The following STXBP5L variants were observed in gnomAD, a reference collection of about 807,000 sequenced individuals.
The protein encoded by STXBP5L is syntaxin-binding protein 5-like.
Under a neutral mutation model 144.5 loss-of-function variants are expected in STXBP5L, and 65 were observed. That is an observed-to-expected ratio of 0.45 (90% confidence interval 0.37 to 0.55). STXBP5L has a LOEUF of 0.55. Among genes scored for constraint, STXBP5L ranks in the 20% least tolerant of loss-of-function variants. STXBP5L has a pLI of 0.00. For missense variants in STXBP5L, 1,298 were observed against 1,405.5 expected, an observed-to-expected ratio of 0.92 and a Z score of 1.22; for synonymous variants, 505 against 469.6, an observed-to-expected ratio of 1.08 and a Z score of -0.97.
At chr3:121,146,071 G>T (rs1317690240) in intron 7 of STXBP5L, among the ~76,000 whole-genome samples, 1 of 151,898 alleles carries the variant, frequency 6.6e-6, no homozygotes, top group Non-Finnish European at 1.5e-5. Context: ...CCACTTCTCT[G>T]GTTCTCAGGC....
chr3:121,260,138 T>C (rs1211981655), intron 18 of STXBP5L, among the ~76,000 whole-genome samples: 1 of 152,084 alleles, frequency 6.6e-6, no homozygotes, highest in African/African-American at 2.4e-5. Flanking sequence ...CCTGGTCAGT[T>C]TGTTAAGTAA....
chr3:120,928,728 T>G (rs1709770182), intron 2 of STXBP5L, among the ~76,000 whole-genome samples: 1 of 151,952 alleles, frequency 6.6e-6, no homozygotes, highest in Non-Finnish European at 1.5e-5. Flanking sequence ...ATGGTGTCAG[T>G]GATTTGTTCT....
At chr3:120,975,262 C>T (rs1940823742) in intron 3 of STXBP5L, among the ~76,000 whole-genome samples, 1 of 152,080 alleles carries the variant, frequency 6.6e-6, no homozygotes, top group Non-Finnish European at 1.5e-5. Context: ...CCTTCACGTC[C>T]CTTGTAAGTT....
At chr3:121,191,870 C>A (rs1164745820) in intron 9 of STXBP5L, among the ~76,000 whole-genome samples, 2 of 150,668 alleles carry the variant, frequency 1.3e-5, no homozygotes, top group Non-Finnish European at 2.9e-5. Flanking sequence ...ACAGCACGTT[C>A]TCACTCATAG....
intron 5 of STXBP5L, among the ~76,000 whole-genome samples, chr3:121,095,901 C>T (rs931986393): frequency 6.6e-6 from 1 of 152,056 alleles, no homozygotes; most frequent in Non-Finnish European, 1.5e-5. Flanking sequence ...TCTGTTTTTT[C>T]CCCATCTTTG....
chr3:121,212,094 C>T (rs1577223509), intron 10 of STXBP5L, among the ~76,000 whole-genome samples: 2 of 152,046 alleles, frequency 1.3e-5, no homozygotes, highest in African/African-American at 4.8e-5. Flanking sequence ...GCTTACGTTC[C>T]TTGTAGATTT....
intron 5 of STXBP5L, among the ~76,000 whole-genome samples, chr3:121,058,577 T>C (rs926463005): frequency 2.6e-5 from 4 of 152,208 alleles, no homozygotes; most frequent in African/African-American, 9.7e-5. Context: ...GCTGAACTAA[T>C]TTACACTCCC....
At chr3:121,366,746 A>G (rs946304350) in intron 20 of STXBP5L, among the ~76,000 whole-genome samples, 7 of 152,082 alleles carry the variant, frequency 4.6e-5, no homozygotes, top group South Asian at 2.1e-4. Flanking sequence ...ATTTAAAGTA[A>G]TTGCTGATAA....
At chr3:121,221,929 C>T (rs2048985372) in intron 10 of STXBP5L, among the ~76,000 whole-genome samples, 2 of 151,690 alleles carry the variant, frequency 1.3e-5, no homozygotes, top group African/African-American at 4.8e-5. Context: ...AAATGTCCCA[C>T]TGATAATGTT....
At chr3:121,154,764 A>T (rs2046056448) in intron 8 of STXBP5L, among the ~76,000 whole-genome samples, 1 of 151,838 alleles carries the variant, frequency 6.6e-6, no homozygotes, top group African/African-American at 2.4e-5. Flanking sequence ...AAAATATCCC[A>T]TTGGCACTGA....
intron 9 of STXBP5L, among the ~76,000 whole-genome samples, chr3:121,183,492 C>T (rs766872634): frequency 6.6e-6 from 1 of 152,020 alleles, no homozygotes; most frequent in Non-Finnish European, 1.5e-5. Context: ...CACTGATATA[C>T]ACCAACAGTG....
Position 121,419,337 on chromosome 3 carries a change from A to G in STXBP5L, c.*240A>G, listed in dbSNP as rs2047311608. 1 of 401,984 alleles carries G rather than the reference A, an allele frequency of 2.5e-6. No homozygotes were observed. The highest frequency in any genetic ancestry group is 4.4e-6 in the Non-Finnish European group (1 of 228,026). 24.9% of individuals were successfully genotyped at this position (401,984 alleles called of 1,614,324 possible). On this transcript the variant is annotated 3_prime_UTR_variant, in exon 27 of 27. Transcript: ENST00000471454. ...TTTTCCCATGTGGAATGGAGCTATC[A>G]TCTTGGCATGTCATTCGATAAGGAT...
At chr3:121,151,018 C>T (rs984484481) in intron 7 of STXBP5L, among the ~76,000 whole-genome samples, 8 of 151,738 alleles carry the variant, frequency 5.3e-5, no homozygotes, top group Non-Finnish European at 1.0e-4. Context: ...ACCCAGGAGG[C>T]GGAGGTTGCA....
Position 121,415,902 on chromosome 3 carries a change from C to A in STXBP5L, c.3160C>A (p.Gln1054Lys). 6.2e-7 allele frequency: 1 copy of A among 1,613,456 alleles called. No homozygotes were observed. Among genetic ancestry groups the A allele is most frequent in the South Asian group, 1.1e-5 (1 of 91,056 alleles). Reference protein sequence around the residue: ...LFTPIETPEAQNRGFLKGLFG... With the variant: ...LFTPIETPEAKNRGFLKGLFG... Reference sequence around the variant, plus strand: ...TACTCCCATAGAGACACCAGAAGCTCAAAACAGAGGCTTTCTCAAGGGACT... The same window carrying A: ...TACTCCCATAGAGACACCAGAAGCTAAAAACAGAGGCTTTCTCAAGGGACT... The change falls in exon 25 of 27, where the codon CAA becomes AAA. Residue 1054 changes from glutamine to lysine, a missense_variant. Gln to Lys is a moderately conservative substitution (Grantham distance 53). Transcript: ENST00000471454.
chr3:120,955,102 G>T, intron 3 of STXBP5L, 65 bp downstream of exon 3: 3 of 1,151,684 alleles, frequency 2.6e-6, no homozygotes, highest in South Asian at 1.3e-5. Context: ...TAAATATTCA[G>T]GTAAGATAAA....
chr3:121,330,460 C>G (rs1221641095), intron 20 of STXBP5L, among the ~76,000 whole-genome samples: 1 of 152,214 alleles, frequency 6.6e-6, no homozygotes, highest in South Asian at 2.1e-4. Flanking sequence ...CCAGCCACCA[C>G]CTGGCTTTGC....
At chr3:121,085,483 G>A (rs562566545) in intron 5 of STXBP5L, among the ~76,000 whole-genome samples, 3 of 152,054 alleles carry the variant, frequency 2.0e-5, no homozygotes, top group Non-Finnish European at 4.4e-5. Flanking sequence ...CTCAGGAGAA[G>A]GTTACAAAAT....
intron 5 of STXBP5L, among the ~76,000 whole-genome samples, chr3:121,091,517 C>G (rs897264286): frequency 2.0e-5 from 3 of 152,178 alleles, no homozygotes; most frequent in African/African-American, 4.8e-5. Context: ...ATTTGCATTT[C>G]TCTGATGGCC....
intron 5 of STXBP5L, among the ~76,000 whole-genome samples, chr3:121,085,572 C>A (rs780919700): frequency 2.0e-5 from 3 of 152,110 alleles, no homozygotes; most frequent in Admixed American, 6.6e-5. Context: ...AACTCCCATT[C>A]ACAATTGCTA....
Sources: gnomAD v4.1 joint callset for allele counts (sites outside exome capture counted in the v4.1 genomes callset) on GRCh38, gnomAD v4.1.1 for gene constraint, MANE v1.5 for transcripts, NCBI Gene and HGNC (gene_info 2026-07-23, HGNC 2026-07-21) for gene names.